Variants in GLIS1 observed in about 807,000 individuals in gnomAD.
The protein encoded by GLIS1 is GLIS family zinc finger 1.
GLIS1 carries 24 observed loss-of-function variants against 63.8 expected under a neutral mutation model. The observed-to-expected ratio is 0.38, with a 90% CI of 0.27 to 0.53. GLIS1 has a LOEUF of 0.53. Ranked by LOEUF, GLIS1 falls within the 20% of genes least tolerant of loss-of-function variation. The pLI is 0.85. For missense variants in GLIS1, 1,036 were observed against 1,074.1 expected (o/e 0.96, Z 0.50); for synonymous variants, 450 against 482.5 (o/e 0.93, Z 0.88).
chr1:53,582,124 T>C (rs1645091161), intron 4 of GLIS1, among the ~76,000 whole-genome samples: 1 of 152,236 alleles, frequency 6.6e-6, no homozygotes, highest in South Asian at 2.1e-4. Flanking sequence ...TAGGAGGGCT[T>C]CCAACTTCAT....
At chr1:53,724,722 G>T (rs997065744) in intron 2 of GLIS1, among the ~76,000 whole-genome samples, 1 of 152,096 alleles carries the variant, frequency 6.6e-6, no homozygotes, top group African/African-American at 2.4e-5. Context: ...GTATCACTAT[G>T]TTACCCAGGC....
chr1:53,527,365 TGGTCA>T (rs1644481253), intron 5 of GLIS1, among the ~76,000 whole-genome samples: 1 of 152,168 alleles, frequency 6.6e-6, no homozygotes, highest in South Asian at 2.1e-4. Flanking sequence ...CGGCAGGATG[TGGTCA>T]GTGCCCAATC....
At chr1:53,636,415 T>C (rs1645722185) in intron 2 of GLIS1, among the ~76,000 whole-genome samples, 1 of 150,010 alleles carries the variant, frequency 6.7e-6, no homozygotes, top group Non-Finnish European at 1.5e-5. Flanking sequence ...GATTTTAAAA[T>C]AAAAACATTA....
chr1:53,697,550 C>T (rs1202397917), intron 2 of GLIS1, among the ~76,000 whole-genome samples: 2 of 152,142 alleles, frequency 1.3e-5, no homozygotes, highest in African/African-American at 2.4e-5. Flanking sequence ...TGTGATCCAC[C>T]CCCAGCAGAG....
At chr1:53,660,723 A>G (rs1046089176) in intron 2 of GLIS1, among the ~76,000 whole-genome samples, 7 of 152,080 alleles carry the variant, frequency 4.6e-5, no homozygotes, top group African/African-American at 1.4e-4. Context: ...CTCAGCCTAG[A>G]CCTTCTCCCT....
chr1:53,537,766 G>A (rs1644597192), intron 4 of GLIS1, among the ~76,000 whole-genome samples: 2 of 152,192 alleles, frequency 1.3e-5, no homozygotes, highest in South Asian at 4.1e-4. Flanking sequence ...GGGGAACAGG[G>A]CATGGCACGG....
At chr1:53,589,069 T>C (rs1238302600) in intron 4 of GLIS1, among the ~76,000 whole-genome samples, 1 of 152,252 alleles carries the variant, frequency 6.6e-6, no homozygotes, top group Non-Finnish European at 1.5e-5. Flanking sequence ...CTTGGCAGAC[T>C]GTGTGATCTT....
intron 2 of GLIS1, among the ~76,000 whole-genome samples, chr1:53,704,546 A>G (rs1646557045): frequency 6.6e-6 from 1 of 150,574 alleles, no homozygotes; most frequent in Non-Finnish European, 1.5e-5. Flanking sequence ...GTGGTGAGGA[A>G]GTGGGAGGGA....
intron 5 of GLIS1, 144 bp from the exon 6 acceptor site, chr1:53,525,031 T>A: frequency 1.5e-6 from 1 of 646,168 alleles, no homozygotes; most frequent in Non-Finnish European, 2.7e-6. Context: ...CCGGCCCAGC[T>A]GTGGGGAAGG....
intron 2 of GLIS1, among the ~76,000 whole-genome samples, chr1:53,637,539 T>C (rs1329241754): frequency 1.3e-5 from 2 of 152,220 alleles, no homozygotes; most frequent in African/African-American, 4.8e-5. Flanking sequence ...TTCAAGAATA[T>C]GGACTATAGC....
At chr1:53,507,496 A>G (rs1421460793) in intron 10 of GLIS1, among the ~76,000 whole-genome samples, 1 of 152,076 alleles carries the variant, frequency 6.6e-6, no homozygotes, top group East Asian at 1.9e-4. Context: ...GGGAGGGGTG[A>G]TCTTCTCCAG....
In GLIS1 at chr1:53,524,757, G is replaced by T; in HGVS notation, c.1593+20C>A. 6.3e-7 allele frequency: 1 copy of T among 1,589,878 alleles called. No individual in the cohort carries two copies. The highest frequency in any genetic ancestry group is 1.1e-5 in the South Asian group (1 of 90,432). On this transcript the variant is annotated intron_variant, in intron 6 of 10. Transcript: ENST00000628545. The stretch of plus-strand genomic sequence containing the variant: ...GCGGCTGCGAGGTGGGAGGAGGCCA[G>T]ATGAGGAGGGCTGGCTTACCTTCTT...
Position 53,506,610 on chromosome 1 carries a change from G to C in GLIS1, c.*9C>G, listed in dbSNP as rs746326077. 18 of 1,612,936 alleles carry C rather than the reference G, an allele frequency of 1.1e-5. No individual in the cohort carries two copies. The highest frequency in any genetic ancestry group is 1.3e-5 in the Non-Finnish European group (15 of 1,179,724). ...AGTGCTGGATGGGCAGGCGCATGTG[G>C]GGGCTCCTTCAGGTGTCTGTGTAGA... On this transcript the variant is annotated 3_prime_UTR_variant, in exon 11 of 11. Transcript: ENST00000628545.
At chr1:53,575,897 G>C (rs1277489900) in intron 4 of GLIS1, among the ~76,000 whole-genome samples, 1 of 152,112 alleles carries the variant, frequency 6.6e-6, no homozygotes, top group Non-Finnish European at 1.5e-5. Context: ...AGATCAAAGA[G>C]GGCCCCAAGG....
chr1:53,678,385 G>A (rs1404173067), intron 2 of GLIS1, among the ~76,000 whole-genome samples: 2 of 151,416 alleles, frequency 1.3e-5, no homozygotes, highest in Non-Finnish European at 2.9e-5. Flanking sequence ...ATGGGCTGCA[G>A]CTGTTCAACC....
At chr1:53,661,958 G>A (rs1337463476) in intron 2 of GLIS1, among the ~76,000 whole-genome samples, 1 of 152,316 alleles carries the variant, frequency 6.6e-6, no homozygotes, top group African/African-American at 2.4e-5. Flanking sequence ...GTGCAGGGAG[G>A]GATGGAGGGC....
At chr1:53,586,813 G>A (rs191060263) in intron 4 of GLIS1, among the ~76,000 whole-genome samples, 1 of 152,252 alleles carries the variant, frequency 6.6e-6, no homozygotes, top group East Asian at 1.9e-4. Flanking sequence ...GACAGGGTCC[G>A]GGCAACCTCA....
intron 8 of GLIS1, among the ~76,000 whole-genome samples, chr1:53,513,756 A>G (rs1644321369): frequency 6.6e-6 from 1 of 152,242 alleles, no homozygotes; most frequent in African/African-American, 2.4e-5. Context: ...TGAACACCGA[A>G]TGAATGGGTG....
At chr1:53,673,181 T>A (rs1879734) in intron 2 of GLIS1, among the ~76,000 whole-genome samples, 1 of 152,076 alleles carries the variant, frequency 6.6e-6, no homozygotes, top group Non-Finnish European at 1.5e-5. Flanking sequence ...ATAAGTGTTA[T>A]GTCTTTAACC....
Sources: gnomAD v4.1 joint callset for allele counts (sites outside exome capture counted in the v4.1 genomes callset) on GRCh38, gnomAD v4.1.1 for gene constraint, MANE v1.5 for transcripts, NCBI Gene and HGNC (gene_info 2026-07-23, HGNC 2026-07-21) for gene names.